CSMD2: variants seen among roughly 807,000 people sequenced by gnomAD.
CSMD2 encodes the protein CUB and sushi domain-containing protein 2.
In CSMD2, 130 loss-of-function variants were observed where a neutral mutation model predicts 398.5. The observed-to-expected ratio is 0.33, with a 90% CI of 0.28 to 0.38. The LOEUF (loss-of-function observed/expected upper bound fraction) is 0.38, where lower values mean the gene tolerates loss of function less well. Among genes scored for constraint, CSMD2 ranks in the 10% least tolerant of loss-of-function variants. The pLI is 1.00. For missense variants in CSMD2, 3,829 were observed against 4,764.9 expected (o/e 0.80, Z 5.78); for synonymous variants, 1,828 against 1,908.5 (o/e 0.96, Z 1.10).
chr1:33,816,867 T>C (rs1288972326), intron 9 of CSMD2, among the ~76,000 whole-genome samples: 1 of 152,204 alleles, frequency 6.6e-6, no homozygotes, highest in Non-Finnish European at 1.5e-5. Context: ...AGGCCCCATG[T>C]TTTAGTAGAA....
chr1:33,980,413 C>G (rs545209579), intron 3 of CSMD2, among the ~76,000 whole-genome samples: 1 of 152,292 alleles, frequency 6.6e-6, no homozygotes, highest in South Asian at 2.1e-4. Context: ...CAGTGAAACA[C>G]TGGCTGAATG....
intron 14 of CSMD2, 24 bp downstream of exon 14, chr1:33,743,256 G>T (rs1278336301): frequency 6.4e-7 from 1 of 1,559,982 alleles, no homozygotes; most frequent in South Asian, 1.2e-5. Context: ...TGGAGGGCCA[G>T]CTGGTGACAG....
intron 7 of CSMD2, among the ~76,000 whole-genome samples, chr1:33,824,441 C>T (rs571550694): frequency 1.3e-5 from 2 of 152,332 alleles, no homozygotes; most frequent in East Asian, 3.9e-4. Flanking sequence ...CTGTATCCAA[C>T]AGCCTGTGGC....
At chr1:33,908,859 G>T (rs941265576) in intron 5 of CSMD2, among the ~76,000 whole-genome samples, 3 of 152,224 alleles carry the variant, frequency 2.0e-5, no homozygotes, top group African/African-American at 7.2e-5. Flanking sequence ...AGATACAGGA[G>T]ACGAGATTTT....
In CSMD2 at chr1:33,603,556, C is replaced by T. The variant is rs190030975; in HGVS notation, c.6533-1010G>A. On this transcript the variant is annotated intron_variant, in intron 42 of 70. Transcript: ENST00000373381. ...ATCCTGAAAGTGGTGCACAGGTACA[C>T]GCCATCCCTGCTACATAAGCTGAAT... Among the ~76,000 whole-genome samples, 12 of 152,320 alleles carry T rather than the reference C, an allele frequency of 7.9e-5. No homozygotes were observed. The East Asian group carries it at 1.4e-3, about 17-fold the overall frequency.
chr1:33,672,776 C>A (rs964676022), intron 25 of CSMD2, among the ~76,000 whole-genome samples: 1 of 144,692 alleles, frequency 6.9e-6, no homozygotes, highest in Admixed American at 7.0e-5. Flanking sequence ...TCCAGAGGAA[C>A]GATCAGGCAG....
intron 44 of CSMD2, chr1:33,599,652 G>A (rs1173185907): frequency 1.3e-5 from 2 of 153,036 alleles, no homozygotes; most frequent in African/African-American, 4.8e-5. Context: ...CAAAATGACA[G>A]AGCCTTAAAG....
chr1:33,908,535 TG>T (rs1460179928), intron 5 of CSMD2, among the ~76,000 whole-genome samples: 1 of 152,240 alleles, frequency 6.6e-6, no homozygotes, highest in African/African-American at 2.4e-5. Context: ...GTCAGACCCA[TG>T]GGGGGCAGGC....
intron 53 of CSMD2, among the ~76,000 whole-genome samples, chr1:33,563,863 G>C (rs753365857): frequency 2.0e-5 from 3 of 152,164 alleles, no homozygotes; most frequent in Non-Finnish European, 4.4e-5. Context: ...TGAGAGTCTG[G>C]TTGACATTGG....
At chr1:33,989,382 T>C (rs1045648477) in intron 3 of CSMD2, among the ~76,000 whole-genome samples, 1 of 152,066 alleles carries the variant, frequency 6.6e-6, no homozygotes, top group African/African-American at 2.4e-5. Context: ...CTGATGGGAA[T>C]GCAAAATGGT....
intron 29 of CSMD2, among the ~76,000 whole-genome samples, chr1:33,640,799 G>A (rs1643061909): frequency 6.6e-6 from 1 of 152,132 alleles, no homozygotes; most frequent in African/African-American, 2.4e-5. Context: ...TTAAAAGGAG[G>A]CAGAATATAA....
rs755894993 is a variant in CSMD2, at chr1:33,625,121, C to T, written c.5430G>A (p.Ser1810=). 4 of 1,614,114 alleles carry T rather than the reference C, an allele frequency of 2.5e-6. No homozygotes were observed. Among genetic ancestry groups the T allele is most frequent in the Non-Finnish European group, 2.5e-6 (3 of 1,180,014 alleles). ...ECNSGYALQG[S]PEIECLPVPG... is the part of the protein sequence containing the mutation. Reference sequence around the variant, plus strand: ...GCACAGGGAGGCACTCGATCTCTGGCGACCCCTGCAGGGCATAGCCGGAGT... The same window carrying T: ...GCACAGGGAGGCACTCGATCTCTGGTGACCCCTGCAGGGCATAGCCGGAGT... Residue 1810 remains serine (S), a synonymous_variant, in exon 34 of 71, where the codon TCG becomes TCA. Transcript: ENST00000373381.
At chr1:34,037,266 C>T (rs891295412) in intron 2 of CSMD2, among the ~76,000 whole-genome samples, 14 of 152,250 alleles carry the variant, frequency 9.2e-5, no homozygotes, top group South Asian at 8.3e-4. Context: ...TCACTCCAGC[C>T]GCCTCCTATC....
At chr1:33,886,159 T>C (rs1641579070) in intron 5 of CSMD2, among the ~76,000 whole-genome samples, 1 of 152,166 alleles carries the variant, frequency 6.6e-6, no homozygotes, top group Non-Finnish European at 1.5e-5. Flanking sequence ...TAGAGGATAC[T>C]GGATGCTGAG....
At chr1:33,538,475 C>CGT (rs36072752) in intron 60 of CSMD2, among the ~76,000 whole-genome samples, 89 of 151,378 alleles carry the variant, frequency 5.9e-4, no homozygotes, top group Middle Eastern at 3.4e-3. Flanking sequence ...TGTGCGTGTG[C>CGT]GTGTGTGTGT....
chr1:34,160,732 T>C (rs1188582736), intron 1 of CSMD2, among the ~76,000 whole-genome samples: 1 of 152,128 alleles, frequency 6.6e-6, no homozygotes, highest in African/African-American at 2.4e-5. Context: ...GGCAGACAAA[T>C]AAATGCTTTT....
At chr1:33,569,352 T>C (rs1253638811) in intron 52 of CSMD2, 22 bp downstream of exon 52, 1 of 1,603,628 alleles carries the variant, frequency 6.2e-7, no homozygotes, top group South Asian at 1.1e-5. Context: ...CTGGGCAGGA[T>C]AGGCCTGCAG....
intron 12 of CSMD2, among the ~76,000 whole-genome samples, chr1:33,779,444 C>T (rs1652415973): frequency 6.6e-6 from 1 of 152,172 alleles, no homozygotes; most frequent in Non-Finnish European, 1.5e-5. Flanking sequence ...ATTAAATGAG[C>T]TTCTGTACAC....
intron 2 of CSMD2, among the ~76,000 whole-genome samples, chr1:34,058,603 G>A (rs1196182633): frequency 1.3e-5 from 2 of 152,204 alleles, no homozygotes; most frequent in African/African-American, 2.4e-5. Context: ...GGAGAAGGCA[G>A]GGTTTAGAGC....
Sources: gnomAD v4.1 joint callset for allele counts (sites outside exome capture counted in the v4.1 genomes callset) on GRCh38, gnomAD v4.1.1 for gene constraint, MANE v1.5 for transcripts, NCBI Gene and HGNC (gene_info 2026-07-23, HGNC 2026-07-21) for gene names.